The following SLC36A1 variants were observed in gnomAD, a reference collection of about 807,000 sequenced individuals.
The protein encoded by SLC36A1 is solute carrier family 36 member 1.
A neutral mutation model predicts 47.5 loss-of-function variants in SLC36A1; 30 were observed. The observed-to-expected ratio is 0.63, with a 90% confidence interval of 0.47 to 0.86. The LOEUF is 0.86. SLC36A1 is among the 40% of genes least tolerant of loss of function. SLC36A1 has a pLI of 0.00. For missense variants in SLC36A1, 517 were observed against 606.0 expected (o/e 0.85, Z 1.54); for synonymous variants, 255 against 249.7 (o/e 1.02, Z -0.20).
chr5:151,543,641 C>A, the SLC36A1 span: 1 of 1,614,086 alleles, frequency 6.2e-7, no homozygotes, highest in Non-Finnish European at 8.5e-7. Context: ...TTGGTTCCAA[C>A]CATTGCATTC....
the SLC36A1 span, among the ~76,000 whole-genome samples, chr5:151,417,499 G>T: frequency 1.3e-5 from 2 of 152,150 alleles, no homozygotes; most frequent in African/African-American, 4.8e-5. Context: ...CTATGTTTTA[G>T]CAAAGAGACT....
At chr5:151,538,616 C>T in the SLC36A1 span, among the ~76,000 whole-genome samples, 7 of 152,320 alleles carry the variant, frequency 4.6e-5, no homozygotes, top group South Asian at 1.2e-3. Context: ...ATGGTTTCCA[C>T]CACTGTTGAG....
At chr5:151,444,536 G>A (rs1752811214), upstream of SLC36A1, among the ~76,000 whole-genome samples, 1 of 151,922 alleles carries the variant, frequency 6.6e-6, no homozygotes, top group South Asian at 2.1e-4. Flanking sequence ...TGTCACCCAG[G>A]CTGAAGGGGC....
chr5:151,392,205 A>G, the SLC36A1 span, among the ~76,000 whole-genome samples: 15 of 152,280 alleles, frequency 9.9e-5, no homozygotes, highest in African/African-American at 3.6e-4. Flanking sequence ...TGTTTATACT[A>G]TTCTCTGATG....
In SLC36A1 at chr5:151,492,366, A is replaced by G. The variant is rs1337498790; in HGVS notation, c.*4112A>G. 6 of 148,702 alleles carry G rather than the reference A, an allele frequency of 4.0e-5. No homozygotes were observed. The highest frequency in any genetic ancestry group is 2.0e-4 in the Admixed American group (3 of 14,980). 9.2% of individuals were successfully genotyped at this position (148,702 alleles called of 1,614,324 possible). On this transcript the variant is annotated 3_prime_UTR_variant, in exon 11 of 11. Coordinates refer to ENST00000243389, the MANE Select transcript of SLC36A1 (RefSeq NM_078483.4). ...TTTTTCTTTTCAATAAATGAATTTT[A>G]TTTTTATTTTTGAGAGGTTGCTATC...
the SLC36A1 span, among the ~76,000 whole-genome samples, chr5:151,350,190 C>T: frequency 6.6e-6 from 1 of 151,978 alleles, no homozygotes; most frequent in Middle Eastern, 3.4e-3. Context: ...GAATGTGACT[C>T]CTTCTACCCC....
At chr5:151,529,330 C>G in the SLC36A1 span, 2 of 1,614,126 alleles carry the variant, frequency 1.2e-6, no homozygotes, top group East Asian at 2.2e-5. Context: ...CGGCTGCACT[C>G]AATGGACAGG....
chr5:151,554,379 C>T, the SLC36A1 span: 1 of 1,614,088 alleles, frequency 6.2e-7, no homozygotes, highest in Non-Finnish European at 8.5e-7. Flanking sequence ...ATGTTGTACT[C>T]TCCAGCTGTA....
chr5:151,472,589 C>T (rs140877446), intron 7 of SLC36A1, among the ~76,000 whole-genome samples: 297 of 152,242 alleles, frequency 2.0e-3, no homozygotes, highest in African/African-American at 6.7e-3. Flanking sequence ...TCTTTTTGCT[C>T]CTCCTCCCCA....
the SLC36A1 span, chr5:151,526,040 GTCA>G: frequency 7.0e-7 from 1 of 1,434,158 alleles, no homozygotes; most frequent in Non-Finnish European, 9.6e-7. Context: ...GTCTGGGTAT[GTCA>G]TCTGGAATGA....
At position 151,467,814 on chromosome 5, in the gene SLC36A1, C is replaced by G; in HGVS notation, c.612C>G (p.Phe204Leu). The change falls in exon 7 of 11, where the codon TTC becomes TTG. Residue 204 changes from phenylalanine to leucine, a missense_variant. By Grantham distance (22) the Phe-to-Leu change is conservative. Coordinates refer to ENST00000243389, the MANE Select transcript of SLC36A1 (RefSeq NM_078483.4). ...SRLYMLSFLPFLVLLVFIRNL... is the reference protein window; with the variant it reads ...SRLYMLSFLPLLVLLVFIRNL... The stretch of plus-strand genomic sequence containing the variant: ...TCTACATGCTCTCCTTCCTGCCCTT[C>G]CTGGTGCTGCTGGTTTTCATCAGGA... 2.5e-6 allele frequency: 4 copies of G among 1,614,100 alleles called. No individual in the cohort carries two copies. Among genetic ancestry groups the G allele is most frequent in the Non-Finnish European group, 3.4e-6 (4 of 1,180,018 alleles).
chr5:151,428,533 C>T, the SLC36A1 span, among the ~76,000 whole-genome samples: 815 of 152,260 alleles, frequency 5.4e-3, 14 homozygotes, highest in Admixed American at 0.025. Context: ...GGCACCGTTG[C>T]CAACTATGGA....
the SLC36A1 span, chr5:151,542,619 C>T: frequency 6.8e-6 from 11 of 1,614,094 alleles, no homozygotes; most frequent in South Asian, 1.1e-4. Flanking sequence ...GGTCTGCAGA[C>T]AGCCTGTAGC....
At chr5:151,524,766 GCCA>G in the SLC36A1 span, among the ~76,000 whole-genome samples, 1 of 152,028 alleles carries the variant, frequency 6.6e-6, no homozygotes, top group Admixed American at 6.5e-5. Context: ...CATACCTCAA[GCCA>G]CTTCAGGCTC....
the SLC36A1 span, chr5:151,531,563 G>A: frequency 6.2e-7 from 1 of 1,611,440 alleles, no homozygotes; most frequent in Non-Finnish European, 8.5e-7. The surrounding 1 kb of genome is among the most constrained non-coding windows in gnomAD (Gnocchi z 5.7). Flanking sequence ...CGATGCTTTG[G>A]GGCTTGGTGG....
chr5:151,532,343 T>C, the SLC36A1 span, among the ~76,000 whole-genome samples: 591 of 152,034 alleles, frequency 3.9e-3, 5 homozygotes, highest in African/African-American at 0.014. Context: ...GTTACAAGAA[T>C]CTAAACATGG....
chr5:151,522,143 G>A, the SLC36A1 span: 30 of 1,372,964 alleles, frequency 2.2e-5, no homozygotes, highest in African/African-American at 3.4e-4. Context: ...TCTTGCGCCC[G>A]ACTGAGGCTG....
At chr5:151,447,028 G>A (rs1752966532), upstream of SLC36A1, among the ~76,000 whole-genome samples, 1 of 142,694 alleles carries the variant, frequency 7.0e-6, no homozygotes. Flanking sequence ...TCTGTCTCTT[G>A]TGACAGTTTT....
At chr5:151,347,188 T>C in the SLC36A1 span, 2 of 1,375,480 alleles carry the variant, frequency 1.5e-6, no homozygotes, top group Non-Finnish European at 2.1e-6. Context: ...AACCTTGGTT[T>C]CTCATCTGCA....
Sources: gnomAD v4.1 joint callset for allele counts (sites outside exome capture counted in the v4.1 genomes callset) on GRCh38, gnomAD v4.1.1 for gene constraint, Gnocchi (gnomAD v3.1) non-coding constraint, MANE v1.5 for transcripts, NCBI Gene and HGNC (gene_info 2026-07-23, HGNC 2026-07-21) for gene names.